The following QTGAL variants were observed in gnomAD, a reference collection of about 807,000 sequenced individuals.
The protein encoded by QTGAL is queuosine-tRNA galactosyltransferase.
the QTGAL span, among the ~76,000 whole-genome samples, chr17:83,042,775 A>G: frequency 1.3e-5 from 2 of 152,256 alleles, no homozygotes; most frequent in African/African-American, 4.8e-5. Context: ...CTTGAAAATT[A>G]TGATCCATCT....
chr17:83,016,753 T>A, the QTGAL span, among the ~76,000 whole-genome samples: 1 of 100,544 alleles, frequency 9.9e-6, no homozygotes, highest in Non-Finnish European at 2.1e-5. Context: ...AGGATGAAGG[T>A]GGAGAAGGGA....
the QTGAL span, chr17:83,048,728 C>T: frequency 6.2e-7 from 1 of 1,614,188 alleles, no homozygotes; most frequent in South Asian, 1.1e-5. Flanking sequence ...TGTTGCAAAA[C>T]AGACCTCAAA....
At chr17:82,983,954 G>A in the QTGAL span, among the ~76,000 whole-genome samples, 1 of 152,078 alleles carries the variant, frequency 6.6e-6, no homozygotes, top group African/African-American at 2.4e-5. Context: ...ACAGGGAGAG[G>A]CCACATGAGC....
the QTGAL span, among the ~76,000 whole-genome samples, chr17:82,959,021 GGTGTGTGTGTATACTGTGGGGGTGTAT>G: frequency 1.2e-4 from 2 of 16,160 alleles, no homozygotes; most frequent in Non-Finnish European, 1.8e-4. Context: ...GGGGGTGTAT[GGTGTGTGTGTATACTGTGGGGGTGTAT>G]GGTGTGTGTG....
chr17:82,942,422 C>A, the QTGAL span: 4 of 1,613,832 alleles, frequency 2.5e-6, no homozygotes, highest in African/African-American at 5.3e-5. Context: ...AGCTGACCAG[C>A]CTGAGCTTGT....
chr17:82,997,930 A>ATATAT, the QTGAL span, among the ~76,000 whole-genome samples: 1,136 of 131,600 alleles, frequency 8.6e-3, 5 homozygotes, highest in Middle Eastern at 0.015. Flanking sequence ...TAAAAAAAAA[A>ATATAT]ATATATATAT....
At chr17:82,945,750 GAAAA>G in the QTGAL span, 76 of 151,172 alleles carry the variant, frequency 5.0e-4, no homozygotes, top group African/African-American at 1.7e-3. Context: ...GTGACAAAAA[GAAAA>G]AAAAATGTCT....
chr17:83,035,110 A>G, the QTGAL span: 8 of 1,608,318 alleles, frequency 5.0e-6, no homozygotes, highest in Non-Finnish European at 6.8e-6. Flanking sequence ...CTGTGGAAAA[A>G]AGAAGAGCAA....
the QTGAL span, among the ~76,000 whole-genome samples, chr17:83,015,060 C>T: frequency 6.6e-6 from 1 of 151,318 alleles, no homozygotes; most frequent in Non-Finnish European, 1.5e-5. This position sits in a 1 kb window ranked among gnomAD's most constrained non-coding sequence, Gnocchi z 4.4. Flanking sequence ...GCGGTGAGGA[C>T]CTGCCACCAC....
chr17:83,024,631 C>A, the QTGAL span, among the ~76,000 whole-genome samples: 1 of 152,240 alleles, frequency 6.6e-6, no homozygotes, highest in East Asian at 1.9e-4. Flanking sequence ...AGGACTCTGG[C>A]CCAGGGGTGA....
the QTGAL span, among the ~76,000 whole-genome samples, chr17:82,954,291 CAA>C: frequency 6.6e-6 from 1 of 152,156 alleles, no homozygotes; most frequent in Non-Finnish European, 1.5e-5. Flanking sequence ...GCAACTTCAG[CAA>C]AGTCTCAGGA....
chr17:82,981,696 C>G, the QTGAL span: 7 of 152,254 alleles, frequency 4.6e-5, no homozygotes, highest in Non-Finnish European at 1.0e-4. Context: ...CCCCAGGATG[C>G]CGTCCTCACA....
At chr17:82,959,291 A>C in the QTGAL span, among the ~76,000 whole-genome samples, 1 of 151,842 alleles carries the variant, frequency 6.6e-6, no homozygotes, top group Non-Finnish European at 1.5e-5. Context: ...ATGCAGTATG[A>C]GTACATGTAT....
chr17:82,964,307 T>G, the QTGAL span, among the ~76,000 whole-genome samples: 1 of 131,236 alleles, frequency 7.6e-6, no homozygotes, highest in Non-Finnish European at 1.7e-5. Flanking sequence ...GAAGACTAAA[T>G]TACAAAATCC....
the QTGAL span, among the ~76,000 whole-genome samples, chr17:83,017,495 C>T: frequency 5.3e-4 from 81 of 152,028 alleles, 1 homozygote; most frequent in Admixed American, 5.1e-3. Flanking sequence ...TGGTGCTGCA[C>T]GCCTGTAGTC....
chr17:83,023,603 G>A, the QTGAL span, among the ~76,000 whole-genome samples: 1 of 152,218 alleles, frequency 6.6e-6, no homozygotes, highest in Non-Finnish European at 1.5e-5. Flanking sequence ...TCTAAATAAA[G>A]GGAAAATAGC....
the QTGAL span, among the ~76,000 whole-genome samples, chr17:83,010,696 C>G: frequency 6.6e-6 from 1 of 152,248 alleles, no homozygotes; most frequent in African/African-American, 2.4e-5. Flanking sequence ...AGTTAACACG[C>G]AGCTTCTTGT....
the QTGAL span, among the ~76,000 whole-genome samples, chr17:82,982,965 A>G: frequency 6.6e-6 from 1 of 151,698 alleles, no homozygotes; most frequent in South Asian, 2.1e-4. Context: ...GTACATAGGA[A>G]CTCTCTGTGC....
At chr17:82,949,665 G>A in the QTGAL span, 1 of 152,062 alleles carries the variant, frequency 6.6e-6, no homozygotes, top group South Asian at 2.1e-4. Context: ...CGGCGTCAGG[G>A]AGACAGAAAG....
Sources: gnomAD v4.1 joint callset for allele counts (sites outside exome capture counted in the v4.1 genomes callset) on GRCh38, gnomAD v4.1.1 for gene constraint, Gnocchi (gnomAD v3.1) non-coding constraint, MANE v1.5 for transcripts, NCBI Gene and HGNC (gene_info 2026-07-23, HGNC 2026-07-21) for gene names.